Variants in PCSK2 observed in about 807,000 individuals in gnomAD.
PCSK2 encodes proprotein convertase subtilisin/kexin type 2.
PCSK2 carries 14 observed loss-of-function variants against 69.7 expected under a neutral mutation model. That is an observed-to-expected ratio of 0.20 (90% CI 0.13 to 0.31). The LOEUF (loss-of-function observed/expected upper bound fraction) is 0.31. Ranked by LOEUF, PCSK2 falls within the 10% of genes least tolerant of loss-of-function variation. PCSK2 has a pLI of 1.00. For synonymous variants in PCSK2, 307 were observed against 320.7 expected (o/e 0.96, Z 0.46); for missense variants, 544 against 842.5 (o/e 0.65, Z 4.39).
intron 11 of PCSK2, among the ~76,000 whole-genome samples, chr20:17,471,443 A>G (rs576223720): frequency 6.6e-6 from 1 of 152,336 alleles, no homozygotes; most frequent in South Asian, 2.1e-4. Flanking sequence ...CTCGTCTGTC[A>G]TATTCATGGT....
intron 6 of PCSK2, among the ~76,000 whole-genome samples, chr20:17,411,506 C>T (rs201926): frequency 2.5e-3 from 386 of 152,154 alleles, no homozygotes; most frequent in South Asian, 4.3e-3. Flanking sequence ...TAAAAAAAAG[C>T]GGCCAGGAAG....
chr20:17,271,893 C>T (rs1987883339), intron 2 of PCSK2, among the ~76,000 whole-genome samples: 1 of 152,094 alleles, frequency 6.6e-6, no homozygotes, highest in Admixed American at 6.6e-5. Context: ...TACTCTACAA[C>T]ACCCCAGGAC....
chr20:17,270,183 T>A (rs1385519383), intron 2 of PCSK2, among the ~76,000 whole-genome samples: 1 of 152,128 alleles, frequency 6.6e-6, no homozygotes, highest in Non-Finnish European at 1.5e-5. Flanking sequence ...TTGAAGTTGG[T>A]GATGCCTCAA....
At chr20:17,266,504 C>A (rs1568575917) in intron 2 of PCSK2, among the ~76,000 whole-genome samples, 1 of 152,180 alleles carries the variant, frequency 6.6e-6, no homozygotes, top group Non-Finnish European at 1.5e-5. Context: ...TTTAACCATG[C>A]ATAAGTTCCA....
intron 2 of PCSK2, among the ~76,000 whole-genome samples, chr20:17,347,920 GGAGAGAGAA>G: frequency 1.6e-5 from 1 of 63,060 alleles, no homozygotes; most frequent in Non-Finnish European, 3.2e-5. Context: ...AAGAAAGAAA[GGAGAGAGAA>G]AAAAGAGAAA....
intron 5 of PCSK2, among the ~76,000 whole-genome samples, chr20:17,404,098 T>A (rs1215246701): frequency 6.6e-6 from 1 of 152,140 alleles, no homozygotes; most frequent in Non-Finnish European, 1.5e-5. Context: ...CCTTGGGGTG[T>A]GGGGGTGGTG....
At chr20:17,338,713 T>C (rs1186157433) in intron 2 of PCSK2, among the ~76,000 whole-genome samples, 1 of 152,106 alleles carries the variant, frequency 6.6e-6, no homozygotes, top group African/African-American at 2.4e-5. Flanking sequence ...GAGGGGTCAT[T>C]CCCAGGGAGA....
chr20:17,456,205 C>T (rs1012739556), intron 9 of PCSK2, 143 bp from the exon 10 acceptor site: 7 of 593,080 alleles, frequency 1.2e-5, no homozygotes, highest in Admixed American at 8.0e-5. Context: ...CATGCCACTG[C>T]ACTCCAGCCT....
At chr20:17,294,098 C>CTTTTTTTTTTTTTTTTTTT (rs34805695) in intron 2 of PCSK2, among the ~76,000 whole-genome samples, 1 of 73,978 alleles carries the variant, frequency 1.4e-5, no homozygotes, top group Admixed American at 2.0e-4. Flanking sequence ...AAAGTATTTT[C>CTTTTTTTTTTTTTTTTTTT]TTTTTTTTTT....
chr20:17,413,224 G>T (rs957340933), intron 6 of PCSK2, among the ~76,000 whole-genome samples: 1 of 152,144 alleles, frequency 6.6e-6, no homozygotes, highest in African/African-American at 2.4e-5. Context: ...CCAATTAAAA[G>T]ACACAGACAG....
At chr20:17,245,873 A>G (rs1986752237) in intron 1 of PCSK2, among the ~76,000 whole-genome samples, 1 of 152,018 alleles carries the variant, frequency 6.6e-6, no homozygotes, top group Admixed American at 6.6e-5. Flanking sequence ...GTTTACCACA[A>G]TCCTCACCAC....
chr20:17,416,039 G>T lies in PCSK2; in HGVS notation c.620+6700G>T, dbSNP rs145296654. On this transcript the variant is annotated intron_variant, in intron 6 of 11. Coordinates refer to ENST00000262545, the MANE Select transcript of PCSK2 (RefSeq NM_002594.5). ...AAAAATTAATTCAAGATGGATTAAA[G>T]ACTTAAATGTTAGACCTAAAACCAT... Among the ~76,000 whole-genome samples the T allele has an allele frequency of 8.7e-3, 1,330 of 152,296 alleles. 8 individuals carry two copies. The highest frequency in any genetic ancestry group is 0.015 in the South Asian group (73 of 4,822).
chr20:17,437,108 C>T (rs1267910294), intron 8 of PCSK2, among the ~76,000 whole-genome samples: 1 of 145,888 alleles, frequency 6.9e-6, no homozygotes, highest in African/African-American at 2.6e-5. Flanking sequence ...CTACCTGGCT[C>T]CTGCAAACGA....
chr20:17,262,077 T>G (rs1413175635), intron 2 of PCSK2, among the ~76,000 whole-genome samples: 3 of 152,228 alleles, frequency 2.0e-5, no homozygotes. Flanking sequence ...ATATGATCTC[T>G]GAAATGCTGA....
intron 2 of PCSK2, among the ~76,000 whole-genome samples, chr20:17,300,601 A>G (rs1451050232): frequency 1.3e-5 from 2 of 152,242 alleles, no homozygotes; most frequent in Non-Finnish European, 2.9e-5. Flanking sequence ...CTCTCTGGAT[A>G]TTTAAGAAGT....
intron 2 of PCSK2, among the ~76,000 whole-genome samples, chr20:17,345,294 T>C (rs557176553): frequency 1.3e-5 from 2 of 152,334 alleles, no homozygotes; most frequent in African/African-American, 2.4e-5. Flanking sequence ...TTGACCATTA[T>C]AATTATAGCC....
intron 5 of PCSK2, among the ~76,000 whole-genome samples, chr20:17,381,208 T>C (rs1463608629): frequency 6.6e-6 from 1 of 152,208 alleles, no homozygotes; most frequent in East Asian, 1.9e-4. Flanking sequence ...CTTTAATTAC[T>C]AACCAATAAT....
chr20:17,238,709 C>G (rs530781791), intron 1 of PCSK2, among the ~76,000 whole-genome samples: 1 of 152,214 alleles, frequency 6.6e-6, no homozygotes, highest in Admixed American at 6.5e-5. Flanking sequence ...TTCAGGTCCT[C>G]CTGATGTGCT....
intron 2 of PCSK2, among the ~76,000 whole-genome samples, chr20:17,328,486 A>G (rs1990125323): frequency 6.6e-6 from 1 of 150,698 alleles, no homozygotes. Flanking sequence ...TTTTATATAT[A>G]TTAAAATACA....
Sources: gnomAD v4.1 joint callset for allele counts (sites outside exome capture counted in the v4.1 genomes callset) on GRCh38, gnomAD v4.1.1 for gene constraint, MANE v1.5 for transcripts, NCBI Gene and HGNC (gene_info 2026-07-23, HGNC 2026-07-21) for gene names.